The following LRMDA variants were observed in gnomAD, a reference collection of about 807,000 sequenced individuals.
LRMDA encodes leucine rich melanocyte differentiation associated, also known as leucine-rich melanocyte differentiation-associated protein.
LRMDA carries 18 observed loss-of-function variants against 29.8 expected under a neutral mutation model. That is an observed-to-expected ratio of 0.60 (90% confidence interval 0.42 to 0.90). The LOEUF (loss-of-function observed/expected upper bound fraction) is 0.90. Ranked by LOEUF, LRMDA falls within the 40% of genes least tolerant of loss-of-function variation. The probability of loss-of-function intolerance (pLI) is 0.00; values close to 1 mark genes in which losing one functional copy is unlikely to be tolerated. For synonymous variants in LRMDA, 125 were observed against 109.4 expected (o/e 1.14, Z -0.89); for missense variants, 273 against 273.9 (o/e 1.00, Z 0.02).
chr10:76,239,939 C>T (rs148410861), intron 5 of LRMDA, among the ~76,000 whole-genome samples: 1 of 151,772 alleles, frequency 6.6e-6, no homozygotes, highest in East Asian at 1.9e-4. Flanking sequence ...TGTATATATA[C>T]ATACACAAGC....
intron 4 of LRMDA, among the ~76,000 whole-genome samples, chr10:76,049,948 A>C (rs1475234133): frequency 6.6e-6 from 1 of 152,214 alleles, no homozygotes; most frequent in Non-Finnish European, 1.5e-5. Context: ...ATTTTCTGAC[A>C]ATATGTCTTC....
intron 6 of LRMDA, among the ~76,000 whole-genome samples, chr10:76,453,898 A>G (rs566206352): frequency 1.7e-4 from 26 of 152,258 alleles, no homozygotes; most frequent in Non-Finnish European, 3.1e-4. Flanking sequence ...ATCTATGTAC[A>G]TATTCCATGT....
chr10:76,423,505 A>G (rs1402225194), intron 6 of LRMDA, among the ~76,000 whole-genome samples: 1 of 152,248 alleles, frequency 6.6e-6, no homozygotes, highest in Non-Finnish European at 1.5e-5. Context: ...AAATGGGCAT[A>G]GCAATCATAC....
chr10:75,685,811 A>T (rs778015268), intron 2 of LRMDA, among the ~76,000 whole-genome samples: 6 of 152,348 alleles, frequency 3.9e-5, no homozygotes, highest in Non-Finnish European at 7.3e-5. Context: ...GGATATGGAA[A>T]ACAAAGTAAA....
chr10:76,467,755 G>C (rs967525620), intron 6 of LRMDA, among the ~76,000 whole-genome samples: 3 of 152,128 alleles, frequency 2.0e-5, no homozygotes, highest in African/African-American at 7.2e-5. Context: ...AAAGGTCTGG[G>C]GGATTTTGAG....
intron 5 of LRMDA, among the ~76,000 whole-genome samples, chr10:76,180,572 C>G (rs1851029647): frequency 6.6e-6 from 1 of 152,036 alleles, no homozygotes. Flanking sequence ...AGCCACTGCA[C>G]CTGGCCTGGA....
At chr10:76,105,794 T>C (rs1849471082) in intron 5 of LRMDA, among the ~76,000 whole-genome samples, 1 of 152,240 alleles carries the variant, frequency 6.6e-6, no homozygotes, top group African/African-American at 2.4e-5. Flanking sequence ...TTGCCCAGGC[T>C]GGAGTGCAGC....
At chr10:76,021,201 C>T (rs1480922198) in intron 2 of LRMDA, among the ~76,000 whole-genome samples, 1 of 152,166 alleles carries the variant, frequency 6.6e-6, no homozygotes, top group African/African-American at 2.4e-5. Context: ...TCAGTCTAGG[C>T]ATGGTTAGCT....
intron 5 of LRMDA, among the ~76,000 whole-genome samples, chr10:76,113,293 A>G (rs1849610333): frequency 6.6e-6 from 1 of 151,978 alleles, no homozygotes; most frequent in Admixed American, 6.6e-5. Context: ...TGTTATTAGA[A>G]TTGTGTGGAA....
intron 2 of LRMDA, among the ~76,000 whole-genome samples, chr10:75,714,849 C>T (rs1343235231): frequency 7.6e-6 from 1 of 131,196 alleles, no homozygotes; most frequent in African/African-American, 3.2e-5. Flanking sequence ...CTCCCTCCCT[C>T]CCTCCCTCCC....
intron 2 of LRMDA, among the ~76,000 whole-genome samples, chr10:75,831,814 C>T (rs1430538545): frequency 6.6e-6 from 1 of 152,228 alleles, no homozygotes; most frequent in Non-Finnish European, 1.5e-5. Context: ...GGCTCAATAC[C>T]ACATGGAAGC....
chr10:76,173,064 A>AG (rs1382450244), intron 5 of LRMDA, among the ~76,000 whole-genome samples: 3 of 152,044 alleles, frequency 2.0e-5, no homozygotes, highest in Admixed American at 6.5e-5. Flanking sequence ...AAGATAAAAA[A>AG]AAAGATAATG....
intron 2 of LRMDA, among the ~76,000 whole-genome samples, chr10:75,932,494 T>C (rs1399973935): frequency 6.6e-6 from 1 of 152,136 alleles, no homozygotes; most frequent in Non-Finnish European, 1.5e-5. Context: ...GCACCTGTGG[T>C]CTCTGTTACT....
rs868522090 is a variant in LRMDA at position 75,802,331 on chromosome 10, A to G, written c.132-233677A>G. Among the ~76,000 whole-genome samples, 6 of 112,792 alleles carry G rather than the reference A, an allele frequency of 5.3e-5. No individual in the cohort carries two copies. The South Asian group carries it at 9.5e-4, about 18-fold the overall frequency. The allele number at this position is 112,792 out of a possible 152,430, so 74.0% of individuals were successfully genotyped here. A position where few individuals can be genotyped will look rare whatever the true frequency, so the allele number is the denominator to read the frequency against. Reference sequence around the variant, plus strand: ...AGACCCTATCTCTAAACACACACACACGCGCACACACACACACACACACAC... The same window carrying G: ...AGACCCTATCTCTAAACACACACACGCGCGCACACACACACACACACACAC... On this transcript the variant is annotated intron_variant, in intron 2 of 6. Coordinates refer to ENST00000611255, the MANE Select transcript of LRMDA (RefSeq NM_001305581.2).
At chr10:75,545,727 C>T (rs1718354609) in intron 2 of LRMDA, among the ~76,000 whole-genome samples, 1 of 152,194 alleles carries the variant, frequency 6.6e-6, no homozygotes, top group Admixed American at 6.5e-5. Context: ...GAACCCAGGT[C>T]TCCTGACCCT....
chr10:75,982,328 C>G (rs919019091), intron 2 of LRMDA, among the ~76,000 whole-genome samples: 1 of 152,152 alleles, frequency 6.6e-6, no homozygotes, highest in African/African-American at 2.4e-5. Context: ...CCTTACATTC[C>G]CTCTCACTTC....
chr10:75,621,199 T>TACACACACACACACAC, intron 2 of LRMDA, among the ~76,000 whole-genome samples: 1 of 136,744 alleles, frequency 7.3e-6, no homozygotes, highest in African/African-American at 2.6e-5. Context: ...AGTATTCCAT[T>TACACACACACACACAC]ACACACACAC....
At position 75,927,813 on chromosome 10, in the gene LRMDA, T is replaced by C. The variant is rs9415133; in HGVS notation, c.132-108195T>C. Among the ~76,000 whole-genome samples, 859 of 152,318 alleles carry C rather than the reference T, an allele frequency of 5.6e-3. 44 individuals are homozygous for C. Among genetic ancestry groups the C allele is most frequent in the Admixed American group, 0.051 (778 of 15,298 alleles). The stretch of plus-strand genomic sequence containing the variant: ...CAAAGCAGGTCTAATGTACTGGTTA[T>C]AATTATGGATTCTGGAGCCCAGCAG... On this transcript the variant is annotated intron_variant, in intron 2 of 6. Transcript: ENST00000611255.
intron 2 of LRMDA, among the ~76,000 whole-genome samples, chr10:75,743,312 T>C (rs990995701): frequency 6.6e-6 from 1 of 152,190 alleles, no homozygotes; most frequent in Non-Finnish European, 1.5e-5. Flanking sequence ...GAGATTTGCT[T>C]TGATTTCTCT....
Sources: allele counts gnomAD v4.1 joint callset (sites outside exome capture counted in the v4.1 genomes callset), GRCh38; gene constraint gnomAD v4.1.1; transcripts MANE v1.5; gene names NCBI Gene and HGNC (gene_info 2026-07-23, HGNC 2026-07-21).